PTPRM: variants seen among roughly 807,000 people sequenced by gnomAD.
PTPRM encodes the protein receptor-type tyrosine-protein phosphatase mu.
Under a neutral mutation model 186.7 loss-of-function variants are expected in PTPRM, and 47 were observed. The ratio of observed to expected loss-of-function variants is 0.25; its 90% CI spans 0.20 to 0.32. The LOEUF is 0.32. PTPRM is among the 10% of genes least tolerant of loss of function. The pLI is 1.00. For synonymous variants in PTPRM, 668 were observed against 674.9 expected (o/e 0.99, Z 0.16); for missense variants, 1,494 against 1,865.0 (o/e 0.80, Z 3.66).
intron 2 of PTPRM, among the ~76,000 whole-genome samples, chr18:7,864,175 T>G (rs553952173): frequency 6.6e-6 from 1 of 152,376 alleles, no homozygotes; most frequent in East Asian, 1.9e-4. Flanking sequence ...TAGTTGATTT[T>G]GCTGCGCAGA....
chr18:8,140,170 C>G (rs1805856476), intron 13 of PTPRM, among the ~76,000 whole-genome samples: 1 of 152,100 alleles, frequency 6.6e-6, no homozygotes, highest in Non-Finnish European at 1.5e-5. Flanking sequence ...GTGCTGTGGG[C>G]AGCATGGTCA....
intron 1 of PTPRM, among the ~76,000 whole-genome samples, chr18:7,635,575 A>G (rs1032709058): frequency 3.9e-5 from 6 of 152,172 alleles, no homozygotes; most frequent in Non-Finnish European, 1.5e-5. Flanking sequence ...TTAATATTGT[A>G]GATAATTTTG....
At chr18:8,186,503 T>G (rs557828461) in intron 14 of PTPRM, among the ~76,000 whole-genome samples, 6 of 152,322 alleles carry the variant, frequency 3.9e-5, no homozygotes, top group African/African-American at 1.4e-4. Context: ...TTAACATTCC[T>G]TTTTTGACAG....
chr18:8,328,852 A>G (rs1245481292), intron 22 of PTPRM, among the ~76,000 whole-genome samples: 1 of 152,248 alleles, frequency 6.6e-6, no homozygotes, highest in East Asian at 1.9e-4. Flanking sequence ...TTAATTTCAA[A>G]AGATAGTTGC....
At chr18:8,160,350 C>G (rs1010054359) in intron 14 of PTPRM, among the ~76,000 whole-genome samples, 8 of 152,160 alleles carry the variant, frequency 5.3e-5, no homozygotes, top group African/African-American at 1.9e-4. Flanking sequence ...CACAGTGACA[C>G]AAGCTCGCTG....
intron 19 of PTPRM, among the ~76,000 whole-genome samples, chr18:8,293,886 G>A (rs1030551348): frequency 1.3e-5 from 2 of 152,140 alleles, no homozygotes; most frequent in Admixed American, 1.3e-4. Flanking sequence ...ACCTGAAAGT[G>A]TTTTTATTTG....
At chr18:7,962,478 C>A (rs1213246875) in intron 7 of PTPRM, among the ~76,000 whole-genome samples, 1 of 152,126 alleles carries the variant, frequency 6.6e-6, no homozygotes, top group Non-Finnish European at 1.5e-5. Flanking sequence ...CCGGTCCAGT[C>A]TAAATGTCAC....
intron 1 of PTPRM, among the ~76,000 whole-genome samples, chr18:7,581,121 T>G (rs1236280315): frequency 6.6e-6 from 1 of 152,200 alleles, no homozygotes; most frequent in Non-Finnish European, 1.5e-5. Context: ...ACTTTTATAT[T>G]GAACTGAAAA....
At chr18:7,816,204 G>A (rs1416586827) in intron 2 of PTPRM, among the ~76,000 whole-genome samples, 1 of 152,130 alleles carries the variant, frequency 6.6e-6, no homozygotes, top group African/African-American at 2.4e-5. Flanking sequence ...ACCAAGTACT[G>A]GAAACTTGTG....
intron 26 of PTPRM, 151 bp downstream of exon 26, chr18:8,376,748 TTCC>T (rs2095698415): frequency 4.9e-5 from 48 of 976,156 alleles, no homozygotes; most frequent in Non-Finnish European, 5.9e-5. Flanking sequence ...CCTCCCTCCC[TTCC>T]CCCTTTTTGT....
At chr18:8,122,933 G>A (rs1027194618) in intron 13 of PTPRM, among the ~76,000 whole-genome samples, 16 of 152,208 alleles carry the variant, frequency 1.1e-4, no homozygotes, top group African/African-American at 3.9e-4. Context: ...ATATCTGCAA[G>A]TCAAATGCTT....
At chr18:7,646,951 G>A (rs553242329) in intron 1 of PTPRM, among the ~76,000 whole-genome samples, 2 of 152,196 alleles carry the variant, frequency 1.3e-5, no homozygotes, top group South Asian at 4.2e-4. Flanking sequence ...GAATGGCACG[G>A]ACAAGGAGAA....
At chr18:7,841,292 T>C (rs937251373) in intron 2 of PTPRM, among the ~76,000 whole-genome samples, 3 of 133,700 alleles carry the variant, frequency 2.2e-5, no homozygotes, top group Non-Finnish European at 4.8e-5. Flanking sequence ...TTTTTTTTTT[T>C]TTTTTTTTTT....
intron 1 of PTPRM, among the ~76,000 whole-genome samples, chr18:7,581,419 G>A (rs1479657141): frequency 1.3e-5 from 2 of 152,282 alleles, no homozygotes; most frequent in Non-Finnish European, 2.9e-5. Context: ...GTACCTGGAC[G>A]AAAAGCAGCA....
At position 7,830,952 on chromosome 18, in the gene PTPRM, C is replaced by T. The variant is rs148948136; in HGVS notation, c.196+56681C>T. Among the ~76,000 whole-genome samples, 63 of 152,246 alleles carry T rather than the reference C, an allele frequency of 4.1e-4. 1 individual carries two copies. The highest frequency in any genetic ancestry group is 1.5e-3 in the African/African-American group (62 of 41,552). On this transcript the variant is annotated intron_variant, in intron 2 of 32. Transcript: ENST00000580170. Reference sequence around the variant, plus strand: ...TTTTGGTGTAGGATATGGAGTTTGTCTTGAATTGCTTATCTCACTACTTAA... The same window carrying T: ...TTTTGGTGTAGGATATGGAGTTTGTTTTGAATTGCTTATCTCACTACTTAA...
intron 5 of PTPRM, among the ~76,000 whole-genome samples, chr18:7,945,876 T>C (rs1410743973): frequency 6.6e-6 from 1 of 152,214 alleles, no homozygotes; most frequent in Non-Finnish European, 1.5e-5. Context: ...GCCTGCAGAT[T>C]TGAGTAAGAT....
rs747315833 is a variant in PTPRM, at chr18:7,719,986, C to T, written c.74-54163C>T. On this transcript the variant is annotated intron_variant, in intron 1 of 32. Transcript: ENST00000580170. ...GACTGAGGTAGGAGGATCTCTTGAT[C>T]GCAAGAGTTTGAGTCTACCTGGGTG... is the stretch of plus-strand genomic sequence containing the variant. Among the ~76,000 whole-genome samples the T allele has an allele frequency of 9.9e-5, 15 of 152,182 alleles. 1 individual carries two copies. The highest frequency in any genetic ancestry group is 5.8e-4 in the East Asian group (3 of 5,174).
At position 8,162,615 on chromosome 18, in the gene PTPRM, G is replaced by C. The variant is rs523927; in HGVS notation, c.2300+18836G>C. Among the ~76,000 whole-genome samples, 18 of 152,240 alleles carry C rather than the reference G, an allele frequency of 1.2e-4. No individual in the cohort carries two copies. In the East Asian group the frequency reaches 3.3e-3, roughly 28 times the overall value. On this transcript the variant is annotated intron_variant, in intron 14 of 32. Transcript: ENST00000580170. ...TACCTCCTCAACACAGGTGACCAAG[G>C]CCGGAGACCCAGAGATCATCTAAGA...
At chr18:7,612,445 G>A (rs1474865003) in intron 1 of PTPRM, among the ~76,000 whole-genome samples, 3 of 152,066 alleles carry the variant, frequency 2.0e-5, no homozygotes, top group Admixed American at 1.3e-4. Flanking sequence ...CAGATTTATC[G>A]CACTTTCTAT....
Sources: gnomAD v4.1 joint callset for allele counts (sites outside exome capture counted in the v4.1 genomes callset) on GRCh38, gnomAD v4.1.1 for gene constraint, MANE v1.5 for transcripts, NCBI Gene and HGNC (gene_info 2026-07-23, HGNC 2026-07-21) for gene names.